The following AQP4 variants were observed in gnomAD, a reference collection of about 807,000 sequenced individuals.
AQP4 encodes aquaporin-4.
A neutral mutation model predicts 27.8 loss-of-function variants in AQP4; 18 were observed. The observed-to-expected ratio is 0.65, with a 90% CI of 0.45 to 0.96. AQP4 has a LOEUF of 0.96. AQP4 is among the 40% of genes least tolerant of loss of function. AQP4 has a pLI of 0.00. For missense variants in AQP4, 412 were observed against 408.2 expected, an observed-to-expected ratio of 1.01 and a Z score of -0.08; for synonymous variants, 141 against 142.9, an observed-to-expected ratio of 0.99 and a Z score of 0.10.
chr18:26,865,059 A>T (rs866465697), intron 1 of AQP4, among the ~76,000 whole-genome samples: 20 of 150,074 alleles, frequency 1.3e-4, no homozygotes, highest in South Asian at 8.4e-4. Context: ...TTTTAAATCC[A>T]CAAAAATCTG....
intron 4 of AQP4, among the ~76,000 whole-genome samples, chr18:26,857,763 A>G (rs1598511532): frequency 6.6e-6 from 1 of 152,048 alleles, no homozygotes; most frequent in East Asian, 1.9e-4. Context: ...GGCAACAGAA[A>G]CCCTGCTTGT....
chr18:26,864,412 G>A (rs1013442108), intron 1 of AQP4, among the ~76,000 whole-genome samples: 1 of 152,126 alleles, frequency 6.6e-6, no homozygotes, highest in African/African-American at 2.4e-5. Flanking sequence ...TCCACAGGGG[G>A]GTGGCCAGCC....
rs1179464628 is a variant in AQP4, at chr18:26,853,133, TCTC to T, written c.*3075_*3077del. 5.4e-6 allele frequency: 2 copies of T among 372,160 alleles called. No individual in the cohort carries two copies. Among genetic ancestry groups the T allele is most frequent in the Non-Finnish European group, 9.5e-6 (2 of 209,992 alleles). The allele number at this position is 372,160 out of a possible 1,614,324, so 23.1% of individuals were successfully genotyped here. A position where few individuals can be genotyped will look rare whatever the true frequency, so the allele number is the denominator to read the frequency against. Reference sequence around the variant, plus strand: ...ACATATGTTTTCCAAAGATTTCTAATCTCCTTGTAAAGTCTTCAATACTGAGCA... The same window carrying T: ...ACATATGTTTTCCAAAGATTTCTAATCTTGTAAAGTCTTCAATACTGAGCA... On this transcript the variant is annotated 3_prime_UTR_variant, in exon 5 of 5. Coordinates refer to ENST00000383168, the MANE Select transcript of AQP4 (RefSeq NM_001650.7).
At position 26,862,576 on chromosome 18, in the gene AQP4, G is replaced by A; in HGVS notation, c.53C>T (p.Thr18Ile). The A allele has an allele frequency of 6.2e-7, 1 of 1,613,910 alleles. No homozygotes were observed. Among genetic ancestry groups the A allele is most frequent in the Non-Finnish European group, 8.5e-7 (1 of 1,180,012 alleles). Residue 18 changes from threonine to isoleucine, a missense_variant, in exon 2 of 5, where the codon ACC becomes ATC. Coordinates refer to ENST00000383168, the MANE Select transcript of AQP4 (RefSeq NM_001650.7). The stretch of plus-strand genomic sequence containing the variant: ...GAAAGCCACCATGATGTTCTCTCTG[G>A]TACACAAAGGTCCACACTTACTGAA... ...RRWGKCGPLC[T>I]RENIMVAFKG...
chr18:26,863,168 T>G (rs971270059), intron 1 of AQP4: 1 of 160,586 alleles, frequency 6.2e-6, no homozygotes, highest in East Asian at 1.8e-4. Context: ...GAGCTTCTGG[T>G]GACTAGCAAG....
chr18:26,857,791 C>T (rs2054871378), intron 4 of AQP4, among the ~76,000 whole-genome samples: 1 of 152,200 alleles, frequency 6.6e-6, no homozygotes, highest in Non-Finnish European at 1.5e-5. Context: ...TGTCCCCGGG[C>T]CAGCCGTACT....
chr18:26,863,403 C>A (rs1432261727), intron 1 of AQP4, among the ~76,000 whole-genome samples: 1 of 152,196 alleles, frequency 6.6e-6, no homozygotes, highest in Non-Finnish European at 1.5e-5. Context: ...ATTCCCGGCC[C>A]GTGGCAGGCT....
chr18:26,863,999 G>C (rs111603961), intron 1 of AQP4, among the ~76,000 whole-genome samples: 10 of 141,132 alleles, frequency 7.1e-5, no homozygotes, highest in Non-Finnish European at 1.3e-4. Context: ...CCTTTTGGGG[G>C]GGGGGGGCAA....
At position 26,862,179 on chromosome 18, in the gene AQP4, T is replaced by C. The variant is rs376777815; in HGVS notation, c.447+3A>G. 7.4e-6 allele frequency: 12 copies of C among 1,614,098 alleles called. No individual in the cohort carries two copies. Among genetic ancestry groups the C allele is most frequent in the Non-Finnish European group, 9.3e-6 (11 of 1,179,988 alleles). ...CTAGTTTGAAAATAGCTAAAGATGCTACCATGGTGACTCCCAGGCCTCCCA... is the reference window on the plus strand; with the variant it reads ...CTAGTTTGAAAATAGCTAAAGATGCCACCATGGTGACTCCCAGGCCTCCCA... On this transcript the variant is annotated splice_donor_region_variant and intron_variant, in intron 2 of 4. Transcript: ENST00000383168.
intron 1 of AQP4, chr18:26,863,326 C>T (rs2054993061): frequency 6.6e-6 from 1 of 152,532 alleles, no homozygotes; most frequent in Non-Finnish European, 1.5e-5. Flanking sequence ...GGGAGCGCGG[C>T]ACGGGGACGT....
chr18:26,865,426 C>CTT, intron 1 of AQP4: 1 of 619,908 alleles, frequency 1.6e-6, no homozygotes, highest in Non-Finnish European at 2.9e-6. Flanking sequence ...TTTTCCTGGG[C>CTT]TTTTGCAGAT....
chr18:26,862,545 C>G lies in AQP4; in HGVS notation c.84G>C (p.Gly28=), dbSNP rs763646341. The change falls in exon 2 of 5, where the codon GGG becomes GGC. Residue 28 remains glycine, a synonymous_variant. Transcript: ENST00000383168. ...TRENIMVAFK[G]VWTQAFWKAV... is the part of the protein sequence containing the mutation. Reference sequence around the variant, plus strand: ...CTTTCCAGAAAGCTTGAGTCCAGACCCCTTTGAAAGCCACCATGATGTTCT... The same window carrying G: ...CTTTCCAGAAAGCTTGAGTCCAGACGCCTTTGAAAGCCACCATGATGTTCT... 4.3e-6 allele frequency: 7 copies of G among 1,614,038 alleles called. No homozygotes were observed. In the East Asian group the frequency reaches 1.6e-4, roughly 36 times the overall value.
At chr18:26,863,443 A>G (rs866007416) in intron 1 of AQP4, among the ~76,000 whole-genome samples, 4 of 152,098 alleles carry the variant, frequency 2.6e-5, no homozygotes, top group South Asian at 2.1e-4. Context: ...CACACGCAGA[A>G]GCGGCCCCGC....
intron 4 of AQP4, among the ~76,000 whole-genome samples, chr18:26,857,707 CAT>C (rs1420506053): frequency 6.6e-6 from 1 of 152,192 alleles, no homozygotes; most frequent in East Asian, 1.9e-4. Context: ...CTTTAGAGCA[CAT>C]GTGTGCTGTA....
intron 1 of AQP4, among the ~76,000 whole-genome samples, chr18:26,863,399 G>C (rs1176267036): frequency 6.6e-6 from 1 of 152,144 alleles, no homozygotes; most frequent in Non-Finnish European, 1.5e-5. Flanking sequence ...GGCCATTCCC[G>C]GCCCGTGGCA....
intron 4 of AQP4, among the ~76,000 whole-genome samples, chr18:26,859,584 C>T (rs1005696824): frequency 6.6e-6 from 1 of 152,192 alleles, no homozygotes; most frequent in South Asian, 2.1e-4. Flanking sequence ...AATGTGGTAA[C>T]AGTTTTTGAG....
At position 26,862,444 on chromosome 18, in the gene AQP4, G is replaced by C. The variant is rs754624399; in HGVS notation, c.185C>G (p.Thr62Arg). ...CATGTCGACCGGTAAAGGCTTTTCT[G>C]TTCCACCCCAGTTGATGGTGGATCC... The part of the protein sequence containing the change: ...SLGSTINWGG[T>R]EKPLPVDMVL... Residue 62 changes from threonine to arginine, a missense_variant, in exon 2 of 5, where the codon ACA becomes AGA. Transcript: ENST00000383168. 1.9e-6 allele frequency: 3 copies of C among 1,614,052 alleles called. No individual in the cohort carries two copies. The highest frequency in any genetic ancestry group is 1.3e-5 in the African/African-American group (1 of 74,908).
chr18:26,859,574 A>C (rs2054902753), intron 4 of AQP4, among the ~76,000 whole-genome samples: 2 of 152,324 alleles, frequency 1.3e-5, no homozygotes, highest in Non-Finnish European at 2.9e-5. Context: ...CATTTCTGTT[A>C]ATGTGGTAAC....
rs576002960 is a variant in AQP4, at chr18:26,854,912, T to A, written c.*1299A>T. ...CAGAAAAACCAATTATTTTGACAAGTAAGTGAGTCAGTAACAAAAATAGTT... is the reference window on the plus strand; with the variant it reads ...CAGAAAAACCAATTATTTTGACAAGAAAGTGAGTCAGTAACAAAAATAGTT... On this transcript the variant is annotated 3_prime_UTR_variant, in exon 5 of 5. Transcript: ENST00000383168. 2.0e-5 allele frequency: 3 copies of A among 152,162 alleles called. No individual in the cohort carries two copies. The highest frequency in any genetic ancestry group is 2.9e-5 in the Non-Finnish European group (2 of 68,024). The allele number at this position is 152,162 out of a possible 1,614,324, so 9.4% of individuals were successfully genotyped here.
Sources: allele counts gnomAD v4.1 joint callset (sites outside exome capture counted in the v4.1 genomes callset), GRCh38; gene constraint gnomAD v4.1.1; transcripts MANE v1.5; gene names NCBI Gene and HGNC (gene_info 2026-07-23, HGNC 2026-07-21).